Variants in ZPBP observed in about 807,000 individuals in gnomAD.
The protein encoded by ZPBP is zona pellucida binding protein, also known as zona pellucida-binding protein 1.
ZPBP carries 26 observed loss-of-function variants against 44.8 expected under a neutral mutation model. The ratio of observed to expected loss-of-function variants is 0.58; its 90% CI spans 0.43 to 0.81. The LOEUF (loss-of-function observed/expected upper bound fraction) is 0.81, where lower values mean the gene tolerates loss of function less well. ZPBP is among the 30% of genes least tolerant of loss of function. The pLI, the probability that ZPBP is intolerant of heterozygous loss-of-function variation, is 0.00. For synonymous variants in ZPBP, 174 were observed against 153.2 expected, an observed-to-expected ratio of 1.14 and a Z score of -1.00; for missense variants, 409 against 434.0, an observed-to-expected ratio of 0.94 and a Z score of 0.51.
intron 5 of ZPBP, among the ~76,000 whole-genome samples, chr7:50,028,703 A>G (rs1233017624): frequency 6.6e-6 from 1 of 152,092 alleles, no homozygotes; most frequent in African/African-American, 2.4e-5. Flanking sequence ...AGCAATGACC[A>G]ATGTATAAAG....
At chr7:50,090,546 TGTGC>T (rs1297327108) in intron 1 of ZPBP, among the ~76,000 whole-genome samples, 11 of 151,416 alleles carry the variant, frequency 7.3e-5, no homozygotes, top group African/African-American at 2.7e-4. Context: ...TGTATATATG[TGTGC>T]ATATATATGC....
intron 4 of ZPBP, among the ~76,000 whole-genome samples, chr7:50,050,746 G>T (rs1800646969): frequency 1.7e-5 from 2 of 118,852 alleles, no homozygotes; most frequent in African/African-American, 6.5e-5. Context: ...ATGGATTGAA[G>T]CCACTGCACT....
chr7:49,909,538 C>A (rs1472910207), intron 1 of ZPBP, among the ~76,000 whole-genome samples: 2 of 152,010 alleles, frequency 1.3e-5, no homozygotes, highest in African/African-American at 4.8e-5. Context: ...CTTTTGGGGC[C>A]ACTGGGTGGG....
intron 4 of ZPBP, among the ~76,000 whole-genome samples, chr7:50,055,044 C>T (rs1369074191): frequency 6.6e-6 from 1 of 152,120 alleles, no homozygotes; most frequent in African/African-American, 2.4e-5. Context: ...AACTGCTATA[C>T]AAAAGAATCA....
chr7:49,968,650 G>T (rs1304499795), intron 7 of ZPBP, among the ~76,000 whole-genome samples: 1 of 151,860 alleles, frequency 6.6e-6, no homozygotes, highest in African/African-American at 2.4e-5. Flanking sequence ...AATATGCCAG[G>T]CCTATAACTT....
intron 1 of ZPBP, among the ~76,000 whole-genome samples, chr7:50,090,009 T>C (rs1802869403): frequency 6.6e-6 from 1 of 152,180 alleles, no homozygotes; most frequent in African/African-American, 2.4e-5. Flanking sequence ...TCCCTTCTCC[T>C]TCAAACCTCG....
At chr7:49,916,866 T>C (rs560361039) in intron 1 of ZPBP, 1 of 152,322 alleles carries the variant, frequency 6.6e-6, no homozygotes, top group African/African-American at 2.4e-5. Context: ...CCATGGTAGT[T>C]TTCGGATGAA....
chr7:49,935,217 A>G (rs897651624), downstream of ZPBP, among the ~76,000 whole-genome samples: 2 of 152,198 alleles, frequency 1.3e-5, no homozygotes, highest in African/African-American at 2.4e-5. Flanking sequence ...GCTACGAAGA[A>G]GGCCATGAAG....
intron 4 of ZPBP, 90 bp downstream of exon 4, chr7:50,057,899 C>A (rs1801044381): frequency 3.2e-6 from 4 of 1,237,246 alleles, no homozygotes; most frequent in Non-Finnish European, 4.5e-6. Flanking sequence ...CTAAAAATAA[C>A]AAAGTCCCTT....
chr7:49,880,887 G>T (rs915421892), intron 2 of ZPBP, among the ~76,000 whole-genome samples: 1 of 152,140 alleles, frequency 6.6e-6, no homozygotes, highest in Non-Finnish European at 1.5e-5. Flanking sequence ...TAGGATTAAA[G>T]GTTCTCTTAC....
the ZPBP span, among the ~76,000 whole-genome samples, chr7:49,840,806 C>A: frequency 6.6e-6 from 1 of 152,098 alleles, no homozygotes; most frequent in Admixed American, 6.5e-5. Flanking sequence ...ATTTCAGGTT[C>A]GCAGTGAGTC....
chr7:50,086,580 T>C (rs1203112150), intron 2 of ZPBP, among the ~76,000 whole-genome samples: 2 of 151,892 alleles, frequency 1.3e-5, no homozygotes, highest in African/African-American at 4.8e-5. Flanking sequence ...GGAAATTAAC[T>C]AGAAGGAATC....
chr7:49,858,642 C>T (rs1426946323), intron 2 of ZPBP, among the ~76,000 whole-genome samples: 1 of 151,728 alleles, frequency 6.6e-6, no homozygotes, highest in East Asian at 1.9e-4. Flanking sequence ...CAACACGGCA[C>T]ATGTATATAT....
chr7:50,022,658 G>T (rs1799152036), intron 5 of ZPBP, among the ~76,000 whole-genome samples: 1 of 152,030 alleles, frequency 6.6e-6, no homozygotes, highest in African/African-American at 2.4e-5. Flanking sequence ...TACGGAACTT[G>T]TCAGTTGTCA....
At chr7:49,883,617 G>A (rs980044005) in intron 2 of ZPBP, among the ~76,000 whole-genome samples, 2 of 151,930 alleles carry the variant, frequency 1.3e-5, no homozygotes, top group Admixed American at 1.3e-4. Context: ...CCAAAGTTGT[G>A]GAAATGATAA....
the ZPBP span, among the ~76,000 whole-genome samples, chr7:49,842,015 C>T: frequency 1.3e-5 from 2 of 151,992 alleles, no homozygotes; most frequent in Non-Finnish European, 2.9e-5. Context: ...TACAGGTGCT[C>T]GCCACCACGC....
intron 3 of ZPBP, among the ~76,000 whole-genome samples, chr7:50,071,208 G>A (rs182049548): frequency 9.9e-4 from 150 of 152,270 alleles, no homozygotes; most frequent in Admixed American, 2.7e-3. Context: ...CTGGGGGAGG[G>A]AGAACACAGC....
chr7:49,930,577 C>T (rs925915728), intron 1 of ZPBP, among the ~76,000 whole-genome samples: 3 of 152,062 alleles, frequency 2.0e-5, no homozygotes, highest in Non-Finnish European at 4.4e-5. Context: ...AAATGAATGA[C>T]TTAAAAACGA....
intron 5 of ZPBP, among the ~76,000 whole-genome samples, chr7:50,028,565 C>A (rs79345484): frequency 0.031 from 4,700 of 151,340 alleles, 93 homozygotes; most frequent in Middle Eastern, 0.061. Context: ...ACAACATGAT[C>A]TTCTATATAA....
Sources: allele counts gnomAD v4.1 joint callset (sites outside exome capture counted in the v4.1 genomes callset), GRCh38; gene constraint gnomAD v4.1.1; transcripts MANE v1.5; gene names NCBI Gene and HGNC (gene_info 2026-07-23, HGNC 2026-07-21).